DLGAP2: variants seen among roughly 807,000 people sequenced by gnomAD.
The protein encoded by DLGAP2 is disks large-associated protein 2.
DLGAP2 carries 26 observed loss-of-function variants against 100.3 expected under a neutral mutation model. The observed-to-expected ratio is 0.26, with a 90% confidence interval of 0.19 to 0.36. The LOEUF is 0.36. Among genes scored for constraint, DLGAP2 ranks in the 10% least tolerant of loss-of-function variants. DLGAP2 has a pLI of 1.00. For missense variants in DLGAP2, 1,858 were observed against 1,453.2 expected (o/e 1.28, Z -4.53); for synonymous variants, 886 against 630.1 (o/e 1.41, Z -6.08).
At chr8:841,276 A>G (rs1042762009) in intron 1 of DLGAP2, among the ~76,000 whole-genome samples, 2 of 152,196 alleles carry the variant, frequency 1.3e-5, no homozygotes, top group East Asian at 3.9e-4. Context: ...TGCATGGCGC[A>G]CGTTTGGCAT....
At position 1,463,108 on chromosome 8, in the gene DLGAP2, G is replaced by T. The variant is rs1156864026; in HGVS notation, c.107-38258G>T. ...TACTAAAAATACAAAAATTAGCCTG[G>T]CGTGGTGGTGTGTGCCCGTAATCCC... On this transcript the variant is annotated intron_variant, in intron 3 of 14. Coordinates refer to ENST00000637795, the MANE Select transcript of DLGAP2 (RefSeq NM_001346810.2). 2.0e-5 allele frequency among the ~76,000 whole-genome samples: 3 copies of T among 152,136 alleles called. No individual in the cohort carries two copies. The East Asian group carries it at 5.8e-4, about 29-fold the overall frequency.
chr8:1,667,362 A>C (rs1465148593), intron 8 of DLGAP2, among the ~76,000 whole-genome samples: 1 of 152,138 alleles, frequency 6.6e-6, no homozygotes, highest in Non-Finnish European at 1.5e-5. Context: ...CCAGCTGTAC[A>C]GCCGGTGGTA....
intron 2 of DLGAP2, among the ~76,000 whole-genome samples, chr8:913,412 T>G (rs1454074580): frequency 6.6e-6 from 1 of 152,226 alleles, no homozygotes; most frequent in Non-Finnish European, 1.5e-5. Flanking sequence ...CCTACGGGCC[T>G]GTCTCAAAGG....
At chr8:1,229,340 A>G (rs28524148) in intron 2 of DLGAP2, among the ~76,000 whole-genome samples, 8,352 of 152,002 alleles carry the variant, frequency 0.055, 369 homozygotes, top group African/African-American at 0.12. Flanking sequence ...GAATTCAAGT[A>G]TGAATCCATC....
At chr8:1,008,431 A>G (rs1223882097) in intron 2 of DLGAP2, among the ~76,000 whole-genome samples, 1 of 152,246 alleles carries the variant, frequency 6.6e-6, no homozygotes, top group Admixed American at 6.5e-5. Context: ...GTAATAGGCA[A>G]CTCAACTTTT....
rs553833464 is a variant in DLGAP2, at chr8:1,325,772, G to C, written c.106+66889G>C. Among the ~76,000 whole-genome samples, 7 of 152,300 alleles carry C rather than the reference G, an allele frequency of 4.6e-5. No homozygotes were observed. In the South Asian group the frequency reaches 8.3e-4, roughly 18 times the overall value. ...AGACTCAGGTCTGTTTTCCTGAGAC[G>C]GGTGAAATGTTAATTTACTGTATCA... On this transcript the variant is annotated intron_variant, in intron 3 of 14. Transcript: ENST00000637795.
intron 2 of DLGAP2, among the ~76,000 whole-genome samples, chr8:924,769 A>T (rs1194416927): frequency 1.3e-5 from 2 of 151,492 alleles, no homozygotes; most frequent in African/African-American, 2.4e-5. Context: ...TTTTTAGTAG[A>T]TACATGGGGT....
At chr8:1,618,770 C>T (rs1448354433) in intron 6 of DLGAP2, among the ~76,000 whole-genome samples, 2 of 151,992 alleles carry the variant, frequency 1.3e-5, no homozygotes, top group Non-Finnish European at 2.9e-5. Flanking sequence ...TCTCCGTGCA[C>T]CTTCAGCATT....
chr8:766,629 C>G (rs1365182026), intron 1 of DLGAP2, among the ~76,000 whole-genome samples: 2 of 152,164 alleles, frequency 1.3e-5, no homozygotes, highest in Non-Finnish European at 2.9e-5. Context: ...ATGCATGATA[C>G]TTGGAGTGAT....
intron 12 of DLGAP2, chr8:1,688,294 G>T (rs1441697061): frequency 6.6e-6 from 1 of 152,288 alleles, no homozygotes; most frequent in African/African-American, 2.4e-5. Context: ...AGCCTGTCTT[G>T]AAGTGGATTT....
intron 3 of DLGAP2, among the ~76,000 whole-genome samples, chr8:1,318,305 A>C (rs1473094277): frequency 6.6e-6 from 1 of 152,190 alleles, no homozygotes; most frequent in Non-Finnish European, 1.5e-5. Context: ...TTAGGTTGTC[A>C]AAGAATGTAT....
chr8:935,137 C>T (rs760000747), intron 2 of DLGAP2, among the ~76,000 whole-genome samples: 2 of 152,238 alleles, frequency 1.3e-5, no homozygotes, highest in African/African-American at 2.4e-5. Flanking sequence ...CCGCAGGGGA[C>T]GCTGAGGCGG....
intron 6 of DLGAP2, among the ~76,000 whole-genome samples, chr8:1,590,056 C>T (rs977574433): frequency 5.9e-5 from 9 of 152,310 alleles, no homozygotes; most frequent in Admixed American, 1.3e-4. Context: ...TCCCTCCTTC[C>T]GCCTCAGTGT....
At chr8:740,464 C>T (rs1820454639) in intron 1 of DLGAP2, 1 of 152,120 alleles carries the variant, frequency 6.6e-6, no homozygotes, top group Non-Finnish European at 1.5e-5. Context: ...ATTATTTCTC[C>T]CCAGTGACAT....
chr8:887,984 C>T (rs1157426883), intron 1 of DLGAP2, among the ~76,000 whole-genome samples: 1 of 152,132 alleles, frequency 6.6e-6, no homozygotes, highest in African/African-American at 2.4e-5. Flanking sequence ...CAGCTTGTTT[C>T]CATTCTTCCT....
At chr8:1,695,933 T>TG (rs894176283) in intron 13 of DLGAP2, among the ~76,000 whole-genome samples, 5 of 152,142 alleles carry the variant, frequency 3.3e-5, no homozygotes, top group African/African-American at 4.8e-5. Flanking sequence ...CTCAAGTGCC[T>TG]GGGGGGGCTT....
chr8:1,180,543 C>T (rs1797360430), intron 2 of DLGAP2, among the ~76,000 whole-genome samples: 1 of 147,938 alleles, frequency 6.8e-6, no homozygotes, highest in African/African-American at 2.7e-5. Flanking sequence ...TAATTTCACA[C>T]AAGAACCAGT....
intron 2 of DLGAP2, among the ~76,000 whole-genome samples, chr8:1,048,560 A>C (rs2129032335): frequency 6.6e-6 from 1 of 151,826 alleles, no homozygotes. Context: ...CTTCTGCTTG[A>C]AATGATGTTT....
intron 4 of DLGAP2, among the ~76,000 whole-genome samples, chr8:1,530,028 A>G (rs1011751092): frequency 3.3e-5 from 5 of 152,238 alleles, no homozygotes; most frequent in African/African-American, 1.2e-4. Flanking sequence ...ACAGGACGGG[A>G]GCGAAATTAA....
Sources: allele counts gnomAD v4.1 joint callset (sites outside exome capture counted in the v4.1 genomes callset), GRCh38; gene constraint gnomAD v4.1.1; transcripts MANE v1.5; gene names NCBI Gene and HGNC (gene_info 2026-07-23, HGNC 2026-07-21).